The following SLC12A2 variants were observed in gnomAD, a reference collection of about 807,000 sequenced individuals.
SLC12A2 encodes the protein solute carrier family 12 member 2.
In SLC12A2, 67 loss-of-function variants were observed where a neutral mutation model predicts 136.3. The ratio of observed to expected loss-of-function variants is 0.49; its 90% CI spans 0.40 to 0.60. SLC12A2 has a LOEUF of 0.60. SLC12A2 is among the 20% of genes least tolerant of loss of function. The probability of loss-of-function intolerance (pLI) is 0.00; values close to 1 mark genes in which losing one functional copy is unlikely to be tolerated. For missense variants in SLC12A2, 1,322 were observed against 1,534.7 expected (o/e 0.86, Z 2.32); for synonymous variants, 619 against 562.9 (o/e 1.10, Z -1.41).
At chr5:128,160,914 C>A (rs930058534) in intron 16 of SLC12A2, among the ~76,000 whole-genome samples, 1 of 151,806 alleles carries the variant, frequency 6.6e-6, no homozygotes, top group African/African-American at 2.4e-5. Context: ...GAGACACTGA[C>A]CCCACTTGGG....
At chr5:128,126,930 A>T (rs1761814706) in intron 4 of SLC12A2, among the ~76,000 whole-genome samples, 3 of 108,170 alleles carry the variant, frequency 2.8e-5, no homozygotes, top group Non-Finnish European at 1.8e-5. Flanking sequence ...TTATTCTATT[A>T]TCACAACCTA....
At position 128,112,923 on chromosome 5, in the gene SLC12A2, A is replaced by AG. The variant is rs762969008; in HGVS notation, c.869dup (p.Val291CysfsTer17). On this transcript the variant is annotated frameshift_variant, in exon 2 of 27. Transcript: ENST00000262461. LOFTEE classifies it high-confidence loss of function. ...GGAGTCGTGAAGTTTGGCTGGATCA[A>AG]GGGTGTATTAGTATGTATATATAGA... is the stretch of plus-strand genomic sequence containing the variant. 6 of 1,609,966 alleles carry AG rather than the reference A, an allele frequency of 3.7e-6. No homozygotes were observed. Among genetic ancestry groups the AG allele is most frequent in the Non-Finnish European group, 5.1e-6 (6 of 1,178,486 alleles).
rs754597022 is a variant in SLC12A2, at chr5:128,187,622, T to C, written c.*991T>C. 2 of 152,574 alleles carry C rather than the reference T, an allele frequency of 1.3e-5. No homozygotes were observed. The highest frequency in any genetic ancestry group is 2.9e-5 in the Non-Finnish European group (2 of 67,998). 9.5% of individuals were successfully genotyped at this position (152,574 alleles called of 1,614,324 possible). ...TATCCTTTATAAGTCATTAAAATAA[T>C]GTTTCATCAAATGGTTAAATGGACC... On this transcript the variant is annotated 3_prime_UTR_variant, in exon 27 of 27. Transcript: ENST00000262461.
At chr5:128,107,970 A>T (rs1490615866) in intron 1 of SLC12A2, among the ~76,000 whole-genome samples, 1 of 152,116 alleles carries the variant, frequency 6.6e-6, no homozygotes, top group East Asian at 1.9e-4. Flanking sequence ...AATGATTGCC[A>T]TTCTAACTGG....
At chr5:128,110,614 C>A in intron 1 of SLC12A2, 2 of 1,069,038 alleles carry the variant, frequency 1.9e-6, no homozygotes, top group South Asian at 1.3e-5. Flanking sequence ...AGCTTATCAC[C>A]TGCCATATTT....
chr5:128,102,226 C>CT (rs1760762338), intron 1 of SLC12A2, among the ~76,000 whole-genome samples: 1 of 151,568 alleles, frequency 6.6e-6, no homozygotes, highest in Non-Finnish European at 1.5e-5. Flanking sequence ...ATTGTGGAAT[C>CT]TAAAAAAAAC....
At chr5:128,115,170 G>T (rs1297839254) in intron 4 of SLC12A2, among the ~76,000 whole-genome samples, 1 of 152,148 alleles carries the variant, frequency 6.6e-6, no homozygotes, top group Non-Finnish European at 1.5e-5. Flanking sequence ...TCTCACCCAG[G>T]TTGGAGTGCA....
At position 128,188,777 on chromosome 5, in the gene SLC12A2, A is replaced by G. The variant is rs1190651205; in HGVS notation, c.*2146A>G. The G allele has an allele frequency of 6.6e-6, 1 of 151,832 alleles. No homozygotes were observed. Among genetic ancestry groups the G allele is most frequent in the Non-Finnish European group, 1.5e-5 (1 of 67,912 alleles). The allele number at this position is 151,832 out of a possible 1,614,324, so 9.4% of individuals were successfully genotyped here. On this transcript the variant is annotated 3_prime_UTR_variant, in exon 27 of 27. Coordinates refer to ENST00000262461, the MANE Select transcript of SLC12A2 (RefSeq NM_001046.3). ...AAATTTCTACATTATAACTCACAGC[A>G]TTGTTCCATTGCAGGTTTTGCAATG...
chr5:128,145,361 GT>G (rs1762502141), intron 10 of SLC12A2, among the ~76,000 whole-genome samples: 1 of 152,052 alleles, frequency 6.6e-6, no homozygotes, highest in Non-Finnish European at 1.5e-5. Flanking sequence ...TAAGACAGAT[GT>G]AGAATTTTGT....
chr5:128,176,317 A>T (rs1381910194), intron 20 of SLC12A2, among the ~76,000 whole-genome samples: 1 of 152,036 alleles, frequency 6.6e-6, no homozygotes, highest in East Asian at 1.9e-4. Flanking sequence ...ACTCCTGGGA[A>T]TATAAATGTA....
intron 6 of SLC12A2, among the ~76,000 whole-genome samples, chr5:128,134,773 G>A (rs550750295): frequency 6.6e-6 from 1 of 152,190 alleles, no homozygotes; most frequent in East Asian, 1.9e-4. Context: ...GCACCCAGAA[G>A]TGTTTTTGTC....
chr5:128,126,276 G>A (rs1220009981), intron 4 of SLC12A2, among the ~76,000 whole-genome samples: 1 of 152,096 alleles, frequency 6.6e-6, no homozygotes, highest in African/African-American at 2.4e-5. Context: ...TTGAATAGAC[G>A]TTTCTCAAAA....
intron 21 of SLC12A2, chr5:128,177,433 G>A (rs1581139200): frequency 3.9e-6 from 1 of 256,230 alleles, no homozygotes; most frequent in East Asian, 9.7e-5. Flanking sequence ...AAACTGCATG[G>A]TTTAGATGAT....
At chr5:128,141,318 T>C (rs1304544596) in intron 9 of SLC12A2, among the ~76,000 whole-genome samples, 1 of 152,190 alleles carries the variant, frequency 6.6e-6, no homozygotes, top group Non-Finnish European at 1.5e-5. Context: ...TTTTCTTCTT[T>C]TTAGGATAAT....
chr5:128,177,386 T>C (rs1338832054), intron 21 of SLC12A2, among the ~76,000 whole-genome samples: 1 of 152,106 alleles, frequency 6.6e-6, no homozygotes, highest in Non-Finnish European at 1.5e-5. Context: ...TTCTGAAATA[T>C]TAGACCCAGA....
At position 128,110,687 on chromosome 5, in the gene SLC12A2, G is replaced by T. The variant is rs1343492824; in HGVS notation, c.757-2127G>T. ...CGTCTACTATGAACATTTTTACAAT[G>T]AGCTCTGCAGCCCTGGAAACACTAC... On this transcript the variant is annotated intron_variant, in intron 1 of 26. Coordinates refer to ENST00000262461, the MANE Select transcript of SLC12A2 (RefSeq NM_001046.3). 2.2e-6 allele frequency: 3 copies of T among 1,388,502 alleles called. No homozygotes were observed. The African/African-American group carries it at 4.3e-5, about 20-fold the overall frequency. The allele number at this position is 1,388,502 out of a possible 1,614,324, so 86.0% of individuals were successfully genotyped here.
chr5:128,091,336 C>T (rs775065161), intron 1 of SLC12A2, among the ~76,000 whole-genome samples: 2 of 152,132 alleles, frequency 1.3e-5, no homozygotes, highest in Non-Finnish European at 2.9e-5. Flanking sequence ...CAAATTAGTT[C>T]TCCAATGAGG....
intron 10 of SLC12A2, among the ~76,000 whole-genome samples, chr5:128,146,288 T>C (rs1762524651): frequency 6.6e-6 from 1 of 151,874 alleles, no homozygotes; most frequent in Non-Finnish European, 1.5e-5. Flanking sequence ...CCTATGTTCA[T>C]ATTTCTCCAC....
intron 16 of SLC12A2, among the ~76,000 whole-genome samples, chr5:128,160,253 C>T (rs537690838): frequency 2.7e-5 from 4 of 150,832 alleles, no homozygotes; most frequent in African/African-American, 7.3e-5. Flanking sequence ...TGGGGGGGCT[C>T]GGGGAGGGAT....
Sources: gnomAD v4.1 joint callset for allele counts (sites outside exome capture counted in the v4.1 genomes callset) on GRCh38, gnomAD v4.1.1 for gene constraint, MANE v1.5 for transcripts, NCBI Gene and HGNC (gene_info 2026-07-23, HGNC 2026-07-21) for gene names.